The following SLC16A2 variants were observed in gnomAD, a reference collection of about 807,000 sequenced individuals.
SLC16A2 encodes the protein solute carrier family 16 member 2, also known as monocarboxylate transporter 8.
SLC16A2 carries 3 observed loss-of-function variants against 27.2 expected under a neutral mutation model. That is an observed-to-expected ratio of 0.11 (90% confidence interval 0.05 to 0.28). The LOEUF is 0.28. Among genes scored for constraint, SLC16A2 ranks in the 10% least tolerant of loss-of-function variants. The pLI is 1.00. For missense variants in SLC16A2, 295 were observed against 458.5 expected (o/e 0.64, Z 3.26); for synonymous variants, 202 against 187.8 (o/e 1.08, Z -0.62).
In SLC16A2 at chrX:74,484,406, T is replaced by C. The variant is rs936343295; in HGVS notation, c.431-36584T>C. ...AGTTTGTTTAAGAACCTGGGATCAATAGAAAGGAAATGTTTGGGTTAAGAT... is the reference window on the plus strand; with the variant it reads ...AGTTTGTTTAAGAACCTGGGATCAACAGAAAGGAAATGTTTGGGTTAAGAT... On this transcript the variant is annotated intron_variant, in intron 1 of 5. Coordinates refer to ENST00000587091, the MANE Select transcript of SLC16A2 (RefSeq NM_006517.5). Among the ~76,000 whole-genome samples the C allele has an allele frequency of 8.9e-5, 10 of 112,253 alleles. No homozygotes were observed. The East Asian group carries it at 1.4e-3, about 16-fold the overall frequency.
At chrX:74,428,589 G>GACTACACAT (rs1928464300) in intron 1 of SLC16A2, among the ~76,000 whole-genome samples, 6 of 110,816 alleles carry the variant, frequency 5.4e-5, no homozygotes, top group Non-Finnish European at 1.1e-4. Context: ...AGAGTCACAG[G>GACTACACAT]CCCACTCCTA....
At chrX:74,448,288 G>A (rs767001573) in intron 1 of SLC16A2, among the ~76,000 whole-genome samples, 42 of 102,773 alleles carry the variant, frequency 4.1e-4, no homozygotes, top group Non-Finnish European at 7.8e-5. Flanking sequence ...TATTTGTCTG[G>A]TTGAATCCTT....
intron 1 of SLC16A2, among the ~76,000 whole-genome samples, chrX:74,495,547 T>C (rs148528447): frequency 9.1e-6 from 1 of 109,453 alleles, no homozygotes; most frequent in Non-Finnish European, 1.9e-5. Flanking sequence ...CAGCATCAGG[T>C]CTTGGTCTCT....
At chrX:74,466,797 G>A (rs749232958) in intron 1 of SLC16A2, among the ~76,000 whole-genome samples, 2 of 111,974 alleles carry the variant, frequency 1.8e-5, no homozygotes, top group Non-Finnish European at 3.8e-5. Flanking sequence ...TAAAAACAAC[G>A]TTGTCCTTCC....
chrX:74,511,260 A>C (rs1175945614), intron 1 of SLC16A2, among the ~76,000 whole-genome samples: 4 of 109,735 alleles, frequency 3.6e-5, no homozygotes, highest in Admixed American at 9.7e-5. Flanking sequence ...CGGCTCACTG[A>C]AAGCTCCGCC....
intron 5 of SLC16A2, 147 bp from the exon 6 acceptor site, chrX:74,531,186 G>A: frequency 1.9e-6 from 1 of 519,373 alleles, no homozygotes; most frequent in South Asian, 2.6e-5. Context: ...CAGCCCCAAT[G>A]CCTTGAAGTT....
chrX:74,515,438 A>G (rs1930303359), intron 1 of SLC16A2, among the ~76,000 whole-genome samples: 1 of 111,501 alleles, frequency 9.0e-6, no homozygotes, highest in Non-Finnish European at 1.9e-5. Context: ...CATTTCTGTC[A>G]TCAGAGGAGT....
chrX:74,533,649 T>C lies in SLC16A2; in HGVS notation c.*2096T>C, dbSNP rs193125468. The C allele has an allele frequency of 2.7e-5, 3 of 112,888 alleles. No individual in the cohort carries two copies. The allele number at this position is 112,888 out of a possible 1,213,427, so 9.3% of individuals were successfully genotyped here. A position where few individuals can be genotyped will look rare whatever the true frequency, so the allele number is the denominator to read the frequency against. On this transcript the variant is annotated 3_prime_UTR_variant, in exon 6 of 6. Transcript: ENST00000587091. Reference sequence around the variant, plus strand: ...TCTCCAGATGAAGGGAAGACATTCATAGGTCCCAAATCTGCCCATTCAGAT... The same window carrying C: ...TCTCCAGATGAAGGGAAGACATTCACAGGTCCCAAATCTGCCCATTCAGAT...
chrX:74,484,898 T>C (rs1400117261), intron 1 of SLC16A2, among the ~76,000 whole-genome samples: 1 of 111,848 alleles, frequency 8.9e-6, no homozygotes, highest in East Asian at 2.8e-4. Flanking sequence ...GGAATGGATG[T>C]GGACAGGCAT....
chrX:74,512,212 A>G (rs1274740133), intron 1 of SLC16A2, among the ~76,000 whole-genome samples: 1 of 112,122 alleles, frequency 8.9e-6, no homozygotes, highest in East Asian at 2.8e-4. Context: ...AGATGTAGAC[A>G]CATCACCATG....
intron 1 of SLC16A2, among the ~76,000 whole-genome samples, chrX:74,427,478 C>A (rs1245202219): frequency 9.0e-6 from 1 of 111,515 alleles, no homozygotes; most frequent in Non-Finnish European, 1.9e-5. Context: ...CCTTGGAAGT[C>A]ATTGGCCGTA....
intron 1 of SLC16A2, among the ~76,000 whole-genome samples, chrX:74,506,756 T>A (rs1377163579): frequency 9.1e-6 from 1 of 109,949 alleles, no homozygotes; most frequent in African/African-American, 3.3e-5. Context: ...ATCAGAGGCT[T>A]ATCAGGTATC....
chrX:74,508,487 T>G (rs1930173639), intron 1 of SLC16A2, among the ~76,000 whole-genome samples: 1 of 112,647 alleles, frequency 8.9e-6, no homozygotes, highest in African/African-American at 3.2e-5. Context: ...CGATGTTTAA[T>G]TATCCATTGC....
At chrX:74,479,833 G>T (rs80354930) in intron 1 of SLC16A2, among the ~76,000 whole-genome samples, 1 of 111,754 alleles carries the variant, frequency 8.9e-6, no homozygotes, top group African/African-American at 3.3e-5. Flanking sequence ...CTGCCTGATC[G>T]TTCCTCTGGA....
chrX:74,459,789 G>A (rs1311936536), intron 1 of SLC16A2, among the ~76,000 whole-genome samples: 1 of 111,428 alleles, frequency 9.0e-6, no homozygotes, highest in Non-Finnish European at 1.9e-5. Context: ...TGATTAAGAA[G>A]ATAGAAAAGA....
intron 1 of SLC16A2, among the ~76,000 whole-genome samples, chrX:74,471,625 GT>G (rs1346264881): frequency 1.8e-5 from 2 of 111,703 alleles, no homozygotes; most frequent in Non-Finnish European, 3.8e-5. Flanking sequence ...TGAAGCACAA[GT>G]TTTTCATTGT....
At chrX:74,531,243 A>G in intron 5 of SLC16A2, 90 bp from the exon 6 acceptor site, 1 of 725,868 alleles carries the variant, frequency 1.4e-6, no homozygotes. Flanking sequence ...TTATCTGGAT[A>G]GGCACTGTGA....
intron 1 of SLC16A2, among the ~76,000 whole-genome samples, chrX:74,441,950 C>T (rs750637991): frequency 1.8e-5 from 2 of 110,686 alleles, no homozygotes; most frequent in Admixed American, 1.9e-4. Flanking sequence ...AATTTGCAGC[C>T]GGGTGCCATG....
rs767804496 is a variant in SLC16A2 at position 74,487,753 on chromosome X, G to A, written c.431-33237G>A. Among the ~76,000 whole-genome samples, 21 of 111,514 alleles carry A rather than the reference G, an allele frequency of 1.9e-4. No homozygotes were observed. The South Asian group carries it at 7.5e-3, about 40-fold the overall frequency. ...TTTTGCCCTTCCTCCACATCAACTT[G>A]TTGGTAGCCACAGGTCTCAGAGTTA... is the stretch of plus-strand genomic sequence containing the variant. On this transcript the variant is annotated intron_variant, in intron 1 of 5. Coordinates refer to ENST00000587091, the MANE Select transcript of SLC16A2 (RefSeq NM_006517.5).
Sources: gnomAD v4.1 joint callset for allele counts (sites outside exome capture counted in the v4.1 genomes callset) on GRCh38, gnomAD v4.1.1 for gene constraint, MANE v1.5 for transcripts, NCBI Gene and HGNC (gene_info 2026-07-23, HGNC 2026-07-21) for gene names.